The following BRI3 variants were observed in gnomAD, a reference collection of about 807,000 sequenced individuals.
The protein encoded by BRI3 is brain protein I3.
A neutral mutation model predicts 12.8 loss-of-function variants in BRI3; 6 were observed. The observed-to-expected ratio is 0.47, with a 90% CI of 0.26 to 0.93. BRI3 has a LOEUF of 0.93. Ranked by LOEUF, BRI3 falls within the 40% of genes least tolerant of loss-of-function variation. The probability of loss-of-function intolerance (pLI) is 0.15; values close to 1 mark genes in which losing one functional copy is unlikely to be tolerated. For missense variants in BRI3, 134 were observed against 171.1 expected (o/e 0.78, Z 1.21); for synonymous variants, 91 against 76.1 (o/e 1.20, Z -1.02).
chr7:98,292,501 G>A, downstream of BRI3: 1 of 820,270 alleles, frequency 1.2e-6, no homozygotes, highest in Non-Finnish European at 1.9e-6. Context: ...CTCCAAAATA[G>A]GTCCAGATCC....
chr7:98,304,927 G>C (rs979442869), upstream of BRI3, among the ~76,000 whole-genome samples: 1 of 149,184 alleles, frequency 6.7e-6, no homozygotes. Context: ...GTGCAGTGGC[G>C]CGATCTTGGC....
At chr7:98,312,288 T>G, downstream of BRI3, 1 of 1,582,786 alleles carries the variant, frequency 6.3e-7, no homozygotes, top group Non-Finnish European at 8.6e-7. Flanking sequence ...AGAAGAAGAC[T>G]AAAGACAAAG....
At chr7:98,319,947 C>G in the BRI3 span, 3 of 865,790 alleles carry the variant, frequency 3.5e-6, no homozygotes, top group South Asian at 1.6e-5. Context: ...ATCATCAACA[C>G]GGAGCTTCTC....
chr7:98,290,967 G>A (rs1242129788), intron 2 of BRI3, 144 bp from the exon 3 acceptor site: 1 of 715,770 alleles, frequency 1.4e-6, no homozygotes, highest in Admixed American at 2.7e-5. Flanking sequence ...GTGGTGGGGT[G>A]GGGGGCTGTT....
At chr7:98,299,270 C>T (rs1459856337) in intron 1 of BRI3, among the ~76,000 whole-genome samples, 2 of 152,220 alleles carry the variant, frequency 1.3e-5, no homozygotes, top group East Asian at 3.9e-4. Flanking sequence ...CCACCTGCCT[C>T]GGCCTCCCAA....
the BRI3 span, among the ~76,000 whole-genome samples, chr7:98,317,755 C>G: frequency 6.7e-6 from 1 of 148,222 alleles, no homozygotes; most frequent in Non-Finnish European, 1.5e-5. Flanking sequence ...ACGCTCACCA[C>G]ACAGTTCACA....
At chr7:98,309,127 C>G (rs1350957201) in exon 2 of BRI3, 1 of 152,080 alleles carries the variant, frequency 6.6e-6, no homozygotes, top group East Asian at 1.9e-4. Context: ...CCACTCTCTA[C>G]TTCGCTGGTG....
chr7:98,298,579 C>T (rs942836615), intron 1 of BRI3, among the ~76,000 whole-genome samples: 5 of 152,006 alleles, frequency 3.3e-5, no homozygotes, highest in Admixed American at 1.3e-4. Flanking sequence ...TGCCACTGCA[C>T]TCCAGCCTGG....
intron 2 of BRI3, chr7:98,283,081 G>A (rs1487440535): frequency 6.6e-6 from 1 of 152,492 alleles, no homozygotes; most frequent in Non-Finnish European, 1.5e-5. Flanking sequence ...GGGCCCCGAG[G>A]TGCAGCTAGA....
chr7:98,288,576 C>T (rs1214097431), intron 2 of BRI3, among the ~76,000 whole-genome samples: 5 of 148,438 alleles, frequency 3.4e-5, no homozygotes, highest in African/African-American at 1.2e-4. Context: ...CATGGTGTGC[C>T]CTGCAGCCCA....
At chr7:98,314,702 T>C (rs756433714), downstream of BRI3, among the ~76,000 whole-genome samples, 8 of 151,830 alleles carry the variant, frequency 5.3e-5, no homozygotes, top group Non-Finnish European at 8.8e-5. Context: ...TGGGGGCCCG[T>C]GGGCTGGGGC....
At chr7:98,319,366 G>A in the BRI3 span, among the ~76,000 whole-genome samples, 10 of 152,274 alleles carry the variant, frequency 6.6e-5, no homozygotes, top group South Asian at 1.0e-3. Context: ...AGGGCACACC[G>A]GGAGCCCCGG....
At chr7:98,304,090 T>TCC (rs1359044961), upstream of BRI3, 4 of 1,217,038 alleles carry the variant, frequency 3.3e-6, no homozygotes, top group East Asian at 8.7e-5. Context: ...GACACCACTC[T>TCC]CCCCCTGGGG....
downstream of BRI3, among the ~76,000 whole-genome samples, chr7:98,297,743 T>C (rs1002390822): frequency 9.2e-5 from 14 of 152,116 alleles, no homozygotes; most frequent in African/African-American, 2.9e-4. Flanking sequence ...GAGGCACCCA[T>C]GTTGTGACGC....
the BRI3 span, chr7:98,319,962 G>A: frequency 1.0e-6 from 1 of 968,290 alleles, no homozygotes; most frequent in South Asian, 1.5e-5. Context: ...CTTCTCTCCT[G>A]TCTGCTGCTG....
chr7:98,290,376 T>C (rs1444649387), intron 2 of BRI3, among the ~76,000 whole-genome samples: 1 of 150,988 alleles, frequency 6.6e-6, no homozygotes, highest in Non-Finnish European at 1.5e-5. Context: ...TTTGTATTTT[T>C]AGTAGAGACG....
chr7:98,305,554 G>A (rs1417728505), upstream of BRI3, among the ~76,000 whole-genome samples: 1 of 152,104 alleles, frequency 6.6e-6, no homozygotes, highest in African/African-American at 2.4e-5. Context: ...AGAGTAGATG[G>A]GACAATGGGC....
intron 1 of BRI3, 108 bp downstream of exon 1, chr7:98,282,045 G>A (rs1799535163): frequency 2.3e-6 from 3 of 1,309,692 alleles, no homozygotes; most frequent in Non-Finnish European, 2.9e-6. Flanking sequence ...CCTTCCTGGA[G>A]CTGGAGGTCC....
At chr7:98,299,772 G>A (rs1800344340) in intron 1 of BRI3, among the ~76,000 whole-genome samples, 2 of 152,198 alleles carry the variant, frequency 1.3e-5, no homozygotes, top group South Asian at 4.1e-4. Flanking sequence ...CGGGCGCAGT[G>A]ACTCACGCCT....
Sources: gnomAD v4.1 joint callset for allele counts (sites outside exome capture counted in the v4.1 genomes callset) on GRCh38, gnomAD v4.1.1 for gene constraint, MANE v1.5 for transcripts, NCBI Gene and HGNC (gene_info 2026-07-23, HGNC 2026-07-21) for gene names.